The following RANBP2 variants were observed in gnomAD, a reference collection of about 807,000 sequenced individuals.
RANBP2 encodes E3 SUMO-protein ligase RanBP2.
A neutral mutation model predicts 303.6 loss-of-function variants in RANBP2; 57 were observed. That is an observed-to-expected ratio of 0.19 (90% confidence interval 0.15 to 0.23). RANBP2 has a LOEUF of 0.23. Ranked by LOEUF, RANBP2 falls within the 10% of genes least tolerant of loss-of-function variation. The pLI is 1.00. For missense variants in RANBP2, 3,138 were observed against 3,780.8 expected (o/e 0.83, Z 4.46); for synonymous variants, 1,167 against 1,301.5 (o/e 0.90, Z 2.23).
chr2:109,314,431 T>G, the RANBP2 span, among the ~76,000 whole-genome samples: 1 of 152,112 alleles, frequency 6.6e-6, no homozygotes, highest in African/African-American at 2.4e-5. Flanking sequence ...GGAGCAGAGA[T>G]AGAGGGTAGG....
At chr2:108,978,753 G>T in the RANBP2 span, among the ~76,000 whole-genome samples, 6 of 152,176 alleles carry the variant, frequency 3.9e-5, no homozygotes, top group African/African-American at 1.2e-4. Flanking sequence ...GTTTTGGTAT[G>T]GAGACAGTCT....
the RANBP2 span, among the ~76,000 whole-genome samples, chr2:108,859,234 A>C: frequency 6.6e-6 from 1 of 152,112 alleles, no homozygotes; most frequent in Non-Finnish European, 1.5e-5. Flanking sequence ...TCCTTTGCCT[A>C]CTTTTTAACG....
chr2:109,012,725 C>G, the RANBP2 span, among the ~76,000 whole-genome samples: 12 of 152,124 alleles, frequency 7.9e-5, no homozygotes, highest in South Asian at 2.3e-3. Context: ...CCATCCTGGC[C>G]AACACGGTGA....
the RANBP2 span, among the ~76,000 whole-genome samples, chr2:109,382,442 C>T: frequency 6.6e-6 from 1 of 152,102 alleles, no homozygotes; most frequent in Non-Finnish European, 1.5e-5. Context: ...CAGCAGCCCA[C>T]CTCCTGACCC....
the RANBP2 span, chr2:109,432,623 C>T: frequency 1.9e-6 from 3 of 1,612,992 alleles, no homozygotes; most frequent in Non-Finnish European, 2.5e-6. Context: ...TCTCTGAGGA[C>T]CGGGGTCTCT....
the RANBP2 span, among the ~76,000 whole-genome samples, chr2:109,316,708 A>G: frequency 1.3e-5 from 2 of 152,270 alleles, no homozygotes; most frequent in South Asian, 2.1e-4. Context: ...TGGACATTCC[A>G]CGGGTTTGGA....
the RANBP2 span, among the ~76,000 whole-genome samples, chr2:109,274,044 A>G: frequency 2.8e-4 from 42 of 152,302 alleles, no homozygotes; most frequent in African/African-American, 9.6e-4. Context: ...ATTACCTCCT[A>G]TGTGTGATTA....
At chr2:109,171,017 A>G in the RANBP2 span, among the ~76,000 whole-genome samples, 3 of 152,188 alleles carry the variant, frequency 2.0e-5, no homozygotes, top group African/African-American at 7.2e-5. Context: ...GCACACCTGC[A>G]TGCCAGGTGC....
At chr2:109,624,265 T>C in the RANBP2 span, among the ~76,000 whole-genome samples, 2 of 152,184 alleles carry the variant, frequency 1.3e-5, no homozygotes, top group African/African-American at 4.8e-5. Context: ...AAAGCTAGCC[T>C]GAGAAATTGA....
At chr2:108,809,012 G>T in the RANBP2 span, among the ~76,000 whole-genome samples, 2 of 152,124 alleles carry the variant, frequency 1.3e-5, no homozygotes, top group South Asian at 2.1e-4. Context: ...GGGAGATGGG[G>T]GTCTAGTTTT....
chr2:108,745,037 TTATTCCATTG>T (rs1696405819), intron 7 of RANBP2, among the ~76,000 whole-genome samples: 1 of 152,070 alleles, frequency 6.6e-6, no homozygotes, highest in Admixed American at 6.6e-5. Flanking sequence ...TGCTTGCATA[TTATTCCATTG>T]TATGGATGTA....
the RANBP2 span, among the ~76,000 whole-genome samples, chr2:108,809,281 A>ATCGCTT: frequency 6.6e-6 from 1 of 152,122 alleles, no homozygotes; most frequent in Non-Finnish European, 1.5e-5. Flanking sequence ...TTCGCACAGG[A>ATCGCTT]TCGCTTTCGC....
chr2:108,841,606 T>G, the RANBP2 span, among the ~76,000 whole-genome samples: 1 of 152,204 alleles, frequency 6.6e-6, no homozygotes, highest in Non-Finnish European at 1.5e-5. Flanking sequence ...CTTTTCCCAG[T>G]CTTTTTCTTT....
At chr2:109,447,164 A>AAAAAG in the RANBP2 span, among the ~76,000 whole-genome samples, 5 of 149,880 alleles carry the variant, frequency 3.3e-5, no homozygotes, top group South Asian at 2.1e-4. Context: ...AAAAAAAAAA[A>AAAAAG]AAAAGAAAAG....
the RANBP2 span, chr2:108,815,825 C>A: frequency 2.3e-6 from 2 of 853,080 alleles, no homozygotes; most frequent in Non-Finnish European, 3.6e-6. Context: ...GTCCTTAACA[C>A]ATTTTAGTGA....
At chr2:108,780,175 CT>C (rs369949318) in intron 25 of RANBP2, among the ~76,000 whole-genome samples, 179 of 140,324 alleles carry the variant, frequency 1.3e-3, no homozygotes, top group Middle Eastern at 7.5e-3. Flanking sequence ...AATTTACTAG[CT>C]TTTTTTTTTT....
the RANBP2 span, among the ~76,000 whole-genome samples, chr2:109,349,019 TTC>T: frequency 6.0e-5 from 9 of 150,660 alleles, no homozygotes; most frequent in South Asian, 4.2e-4. Flanking sequence ...GTGTCAGTAT[TTC>T]TCTCTCTCTC....
the RANBP2 span, among the ~76,000 whole-genome samples, chr2:109,446,123 T>C: frequency 3.3e-5 from 5 of 151,726 alleles, no homozygotes; most frequent in Middle Eastern, 3.4e-3. Context: ...GCACCCGGGG[T>C]GGGTGAAAAT....
the RANBP2 span, among the ~76,000 whole-genome samples, chr2:109,561,949 G>A: frequency 1.3e-5 from 2 of 152,072 alleles, no homozygotes; most frequent in African/African-American, 2.4e-5. Context: ...TAGTAGAGAT[G>A]GGGTTTCAAG....
Sources: allele counts gnomAD v4.1 joint callset (sites outside exome capture counted in the v4.1 genomes callset), GRCh38; gene constraint gnomAD v4.1.1; transcripts MANE v1.5; gene names NCBI Gene and HGNC (gene_info 2026-07-23, HGNC 2026-07-21).